The following VPS37A variants were observed in gnomAD, a reference collection of about 807,000 sequenced individuals.
The protein encoded by VPS37A is vacuolar protein sorting-associated protein 37A.
VPS37A carries 30 observed loss-of-function variants against 49.8 expected under a neutral mutation model. That is an observed-to-expected ratio of 0.60 (90% CI 0.45 to 0.82). The LOEUF (loss-of-function observed/expected upper bound fraction) is 0.82, where lower values mean the gene tolerates loss of function less well. Among genes scored for constraint, VPS37A ranks in the 40% least tolerant of loss-of-function variants. The probability of loss-of-function intolerance (pLI) is 0.00; values close to 1 mark genes in which losing one functional copy is unlikely to be tolerated. For missense variants in VPS37A, 593 were observed against 464.4 expected (o/e 1.28, Z -2.55); for synonymous variants, 195 against 160.6 (o/e 1.21, Z -1.62).
chr8:17,283,328 G>T (rs1052254623), intron 9 of VPS37A, among the ~76,000 whole-genome samples: 1 of 151,930 alleles, frequency 6.6e-6, no homozygotes, highest in African/African-American at 2.4e-5. Context: ...GCTAATTTTT[G>T]TATTTTTTGT....
chr8:17,279,945 A>G, intron 6 of VPS37A, 83 bp from the exon 7 acceptor site: 12 of 1,578,492 alleles, frequency 7.6e-6, no homozygotes, highest in Non-Finnish European at 7.8e-6. Flanking sequence ...TCAGTTAACT[A>G]AAGCTGAAAA....
At chr8:17,332,389 T>C in the VPS37A span, among the ~76,000 whole-genome samples, 2 of 152,132 alleles carry the variant, frequency 1.3e-5, no homozygotes, top group Non-Finnish European at 2.9e-5. Context: ...GAATGTTTAT[T>C]GAAAAAAGCT....
chr8:17,329,790 A>C, the VPS37A span, among the ~76,000 whole-genome samples: 1 of 152,218 alleles, frequency 6.6e-6, no homozygotes, highest in Non-Finnish European at 1.5e-5. Context: ...TCTGCATGAT[A>C]ATCTCCAAAA....
downstream of VPS37A, among the ~76,000 whole-genome samples, chr8:17,306,519 C>T (rs1817465748): frequency 6.6e-6 from 1 of 152,084 alleles, no homozygotes; most frequent in South Asian, 2.1e-4. Context: ...TCTCCCATTG[C>T]TTTGCTTTTC....
the VPS37A span, among the ~76,000 whole-genome samples, chr8:17,314,359 T>A: frequency 1.3e-5 from 2 of 152,138 alleles, no homozygotes; most frequent in Non-Finnish European, 2.9e-5. Flanking sequence ...CCCAACTCCA[T>A]GGGCAATGAG....
the VPS37A span, among the ~76,000 whole-genome samples, chr8:17,316,073 A>C: frequency 6.6e-6 from 1 of 152,106 alleles, no homozygotes; most frequent in Non-Finnish European, 1.5e-5. Flanking sequence ...CTTCTTTCCT[A>C]TGAAGATTGT....
chr8:17,298,132 A>C (rs1816852499), downstream of VPS37A: 1 of 152,064 alleles, frequency 6.6e-6, no homozygotes, highest in African/African-American at 2.4e-5. Flanking sequence ...AGTTTCTAAG[A>C]GTGGACAGCT....
At chr8:17,256,405 GT>G (rs1435778692) in intron 1 of VPS37A, among the ~76,000 whole-genome samples, 1 of 149,110 alleles carries the variant, frequency 6.7e-6, no homozygotes, top group African/African-American at 2.5e-5. Flanking sequence ...ACGTAACTGG[GT>G]TTACAGGCGC....
chr8:17,307,883 G>C, the VPS37A span, among the ~76,000 whole-genome samples: 1 of 150,920 alleles, frequency 6.6e-6, no homozygotes, highest in Non-Finnish European at 1.5e-5. Context: ...ACCGGGGACT[G>C]TTGTGGGGTG....
intron 6 of VPS37A, among the ~76,000 whole-genome samples, chr8:17,277,005 TG>T (rs1814575808): frequency 6.6e-6 from 1 of 152,132 alleles, no homozygotes; most frequent in East Asian, 1.9e-4. Flanking sequence ...CATTCAGTTT[TG>T]GGAAGCACTG....
downstream of VPS37A, chr8:17,304,322 A>G: frequency 1.9e-6 from 3 of 1,578,460 alleles, no homozygotes; most frequent in South Asian, 3.4e-5. Context: ...TGAATGTTAA[A>G]CGGTACCAGA....
the VPS37A span, chr8:17,309,223 T>C: frequency 8.4e-7 from 1 of 1,185,902 alleles, no homozygotes; most frequent in Admixed American, 2.1e-5. Flanking sequence ...ATTGAAATTT[T>C]CAGAAACAGT....
intron 4 of VPS37A, among the ~76,000 whole-genome samples, chr8:17,274,201 A>G (rs1245543972): frequency 2.0e-5 from 3 of 152,256 alleles, no homozygotes; most frequent in African/African-American, 7.2e-5. Flanking sequence ...ACTCTAATAT[A>G]CATGCGTGTT....
chr8:17,299,808 G>GT (rs1252932089), downstream of VPS37A: 15 of 1,591,294 alleles, frequency 9.4e-6, no homozygotes, highest in African/African-American at 1.3e-5. Flanking sequence ...TTGTTCCCTT[G>GT]TTTTTGGAAG....
intron 3 of VPS37A, 33 bp from the exon 4 acceptor site, chr8:17,268,823 G>A (rs746525655): frequency 8.0e-6 from 11 of 1,381,124 alleles, no homozygotes; most frequent in Non-Finnish European, 1.1e-5. Flanking sequence ...TTTTCTGGAA[G>A]TGATTTTAAG....
At chr8:17,256,746 G>T (rs868287649) in intron 1 of VPS37A, among the ~76,000 whole-genome samples, 7 of 151,816 alleles carry the variant, frequency 4.6e-5, no homozygotes, top group Middle Eastern at 3.4e-3. Flanking sequence ...TCCGCCTCCC[G>T]GATTCAAGCA....
chr8:17,308,809 A>G, the VPS37A span, among the ~76,000 whole-genome samples: 8 of 152,190 alleles, frequency 5.3e-5, no homozygotes, highest in Non-Finnish European at 1.0e-4. Flanking sequence ...CTGGAGTTGG[A>G]TATGTCTGGT....
rs919780568 is a variant in VPS37A at position 17,274,840 on chromosome 8, T to C, written c.524T>C (p.Val175Ala). 6.2e-7 allele frequency: 1 copy of C among 1,614,078 alleles called. No individual in the cohort carries two copies. ...EANRSITSLS[V>A]ADTVSSSTTS... is the part of the protein sequence containing the mutation. The stretch of plus-strand genomic sequence containing the variant: ...AACAGGAGTATCACTTCTTTATCTG[T>C]TGCTGACACTGTTTCTTCTTCAACA... Residue 175 changes from valine (V) to alanine (A), a missense_variant, in exon 5 of 12, where the codon GTT becomes GCT. By Grantham distance (64) the Val-to-Ala change is moderately conservative. Coordinates refer to ENST00000324849, the MANE Select transcript of VPS37A (RefSeq NM_152415.3).
chr8:17,265,342 G>A (rs112488496), intron 1 of VPS37A, among the ~76,000 whole-genome samples: 115 of 152,262 alleles, frequency 7.6e-4, no homozygotes, highest in African/African-American at 2.6e-3. Context: ...TAAGTCTATA[G>A]CAACAACTAG....
Sources: gnomAD v4.1 joint callset for allele counts (sites outside exome capture counted in the v4.1 genomes callset) on GRCh38, gnomAD v4.1.1 for gene constraint, MANE v1.5 for transcripts, NCBI Gene and HGNC (gene_info 2026-07-23, HGNC 2026-07-21) for gene names.